The following SHPK variants were observed in gnomAD, a reference collection of about 807,000 sequenced individuals.
SHPK encodes sedoheptulokinase.
In SHPK, 51 loss-of-function variants were observed where a neutral mutation model predicts 46.3. The observed-to-expected ratio is 1.10, with a 90% confidence interval of 0.88 to 1.39. SHPK has a LOEUF of 1.39. SHPK is among the 40% of genes most tolerant of loss of function. SHPK has a pLI of 0.00. For synonymous variants in SHPK, 290 were observed against 273.9 expected (o/e 1.06, Z -0.58); for missense variants, 668 against 641.3 (o/e 1.04, Z -0.45).
rs1449523762 is a variant in SHPK at position 3,630,310 on chromosome 17, G to C, written c.205C>G (p.Leu69Val). ...GGAAGGGCAGCAAGGCACTCGTGTA[G>C]GGCTTGGAGGATTCTACTCACATCC... is the stretch of plus-strand genomic sequence containing the variant. ...EQDVSRILQA[L>V]HECLAALPRP... The change falls in exon 2 of 7, where the codon CTA (leucine) becomes GTA (valine). Residue 69 changes from leucine to valine, a missense_variant. Coordinates refer to ENST00000225519, the MANE Select transcript of SHPK (RefSeq NM_013276.4). 1 of 1,613,314 alleles carries C rather than the reference G, an allele frequency of 6.2e-7. No homozygotes were observed. The highest frequency in any genetic ancestry group is 1.3e-5 in the African/African-American group (1 of 74,932).
chr17:3,614,322 A>C (rs1250371773), intron 6 of SHPK, among the ~76,000 whole-genome samples: 2 of 150,756 alleles, frequency 1.3e-5, no homozygotes, highest in African/African-American at 4.9e-5. Flanking sequence ...CAGGAGATTG[A>C]GACCATCCTG....
chr17:3,615,268 G>A (rs2075365364), intron 6 of SHPK, 69 bp downstream of exon 6: 1 of 1,503,700 alleles, frequency 6.7e-7, no homozygotes, highest in Non-Finnish European at 9.2e-7. Context: ...GAAGCTCCGT[G>A]AAGCTCCGAG....
At chr17:3,615,850 ATTTTTT>A (rs201449504) in intron 5 of SHPK, among the ~76,000 whole-genome samples, 38,473 of 107,602 alleles carry the variant, frequency 0.36, 8,095 homozygotes, top group East Asian at 0.69. Context: ...GATCAAAGGA[ATTTTTT>A]TTTTTTTTTT....
chr17:3,611,171 A>C (rs1336271579), intron 6 of SHPK, among the ~76,000 whole-genome samples, 199 bp from the exon 7 acceptor site: 2 of 152,186 alleles, frequency 1.3e-5, no homozygotes, highest in Non-Finnish European at 2.9e-5. Flanking sequence ...GTCTCAGTGC[A>C]GACCCCAGCC....
At chr17:3,619,035 C>CTTT (rs57225767) in intron 5 of SHPK, among the ~76,000 whole-genome samples, 13 of 149,138 alleles carry the variant, frequency 8.7e-5, no homozygotes, top group East Asian at 7.8e-4. Context: ...CATGTTCTCA[C>CTTT]TTTTTTTTTT....
intron 6 of SHPK, 88 bp from the exon 7 acceptor site, chr17:3,611,060 A>T: frequency 8.1e-7 from 1 of 1,236,172 alleles, no homozygotes; most frequent in Non-Finnish European, 1.1e-6. Context: ...GGGTGGGAAC[A>T]GCGCTACTTG....
chr17:3,629,848 T>C (rs1353225937), intron 2 of SHPK, among the ~76,000 whole-genome samples: 1 of 151,944 alleles, frequency 6.6e-6, no homozygotes, highest in Admixed American at 6.6e-5. Context: ...CCTGCAGCTA[T>C]AGCCAGTCTC....
intron 2 of SHPK, among the ~76,000 whole-genome samples, chr17:3,625,628 C>T (rs2075429880): frequency 6.6e-6 from 1 of 152,148 alleles, no homozygotes; most frequent in African/African-American, 2.4e-5. Flanking sequence ...CCTCCACCAC[C>T]ACCATGCAGA....
intron 2 of SHPK, among the ~76,000 whole-genome samples, chr17:3,628,986 G>T (rs533623522): frequency 1.2e-3 from 188 of 152,100 alleles, no homozygotes; most frequent in African/African-American, 4.5e-3. Context: ...CCATAACAGG[G>T]AGCTCCCAAC....
At chr17:3,632,119 G>A (rs1359684496) in intron 1 of SHPK, among the ~76,000 whole-genome samples, 1 of 151,664 alleles carries the variant, frequency 6.6e-6, no homozygotes, top group Non-Finnish European at 1.5e-5. Context: ...ACCACACCCG[G>A]CTAATTTTTG....
intron 5 of SHPK, chr17:3,619,265 A>C (rs1367811253): frequency 1.4e-6 from 1 of 736,858 alleles, no homozygotes; most frequent in African/African-American, 1.8e-5. Flanking sequence ...ACACAGAAGA[A>C]GCTGCTTTTT....
chr17:3,617,359 G>GT (rs1302654219), intron 5 of SHPK, among the ~76,000 whole-genome samples: 3 of 152,132 alleles, frequency 2.0e-5, no homozygotes, highest in African/African-American at 7.2e-5. Flanking sequence ...CACAACTTGT[G>GT]TTGAGTTCAC....
chr17:3,615,503 G>GGATTGCCA lies in SHPK; in HGVS notation c.857_858insTGGCAATC (p.Ser287GlyfsTer58). 1 of 1,614,220 alleles carries GGATTGCCA rather than the reference G, an allele frequency of 6.2e-7. No individual in the cohort carries two copies. The highest frequency in any genetic ancestry group is 8.5e-7 in the Non-Finnish European group (1 of 1,180,038). On this transcript the variant is annotated frameshift_variant, in exon 6 of 7. Transcript: ENST00000225519. LOFTEE classifies it high-confidence loss of function. Reference sequence around the variant, plus strand: ...CAGGCTGGAATCCTGAAGGCATGGAGGCTGCCAGCTGAACCGAGGTGCTGA... The same window carrying GGATTGCCA: ...CAGGCTGGAATCCTGAAGGCATGGAGGATTGCCAGCTGCCAGCTGAACCGAGGTGCTGA...
chr17:3,625,778 C>G (rs1208079349), intron 2 of SHPK, among the ~76,000 whole-genome samples: 1 of 152,182 alleles, frequency 6.6e-6, no homozygotes, highest in Admixed American at 6.5e-5. Flanking sequence ...CCTGGTCAGG[C>G]ACGGTGGCTC....
chr17:3,630,076 CA>C (rs2075461018), intron 2 of SHPK, 128 bp downstream of exon 2: 3 of 1,179,958 alleles, frequency 2.5e-6, no homozygotes, highest in Non-Finnish European at 3.7e-6. Context: ...CGTATTCGTC[CA>C]CTCCAAGAAA....
intron 5 of SHPK, among the ~76,000 whole-genome samples, chr17:3,618,411 A>G (rs2075380142): frequency 6.6e-6 from 1 of 152,024 alleles, no homozygotes; most frequent in African/African-American, 2.4e-5. Flanking sequence ...AGCCAAATAA[A>G]CTTTTTAAAA....
rs201343679 is a variant in SHPK, at chr17:3,636,213, C to T, written c.7G>A (p.Ala3Thr). Reference protein sequence around the residue: MAARPITLGIDLG... With the variant: MATRPITLGIDLG... Reference sequence around the variant, plus strand: ...TCAATGCCGAGGGTGATCGGCCGCGCAGCCATTATCTCCCTGACCCGCGCA... The same window carrying T: ...TCAATGCCGAGGGTGATCGGCCGCGTAGCCATTATCTCCCTGACCCGCGCA... The change falls in exon 1 of 7, where the codon GCG becomes ACG. Residue 3 changes from alanine (A) to threonine (T), a missense_variant. Coordinates refer to ENST00000225519, the MANE Select transcript of SHPK (RefSeq NM_013276.4). The T allele has an allele frequency of 2.5e-6, 4 of 1,602,140 alleles. No homozygotes were observed. The highest frequency in any genetic ancestry group is 1.3e-5 in the African/African-American group (1 of 74,264).
intron 5 of SHPK, among the ~76,000 whole-genome samples, chr17:3,616,352 C>T (rs1367606385): frequency 6.6e-6 from 1 of 152,196 alleles, no homozygotes; most frequent in South Asian, 2.1e-4. Context: ...GCAGGTGCCA[C>T]GTCGTGAGCA....
chr17:3,631,586 A>T (rs1289034521), intron 1 of SHPK, among the ~76,000 whole-genome samples: 2 of 122,186 alleles, frequency 1.6e-5, no homozygotes, highest in Non-Finnish European at 3.2e-5. Context: ...GCAGTGGCAT[A>T]ATCTTGGCTC....
Sources: allele counts gnomAD v4.1 joint callset (sites outside exome capture counted in the v4.1 genomes callset), GRCh38; gene constraint gnomAD v4.1.1; transcripts MANE v1.5; gene names NCBI Gene and HGNC (gene_info 2026-07-23, HGNC 2026-07-21).